Variants in CDHR5 observed in about 807,000 individuals in gnomAD.
CDHR5 encodes cadherin related family member 5, also known as cadherin-related family member 5.
In CDHR5, 82 loss-of-function variants were observed where a neutral mutation model predicts 69.5. The ratio of observed to expected loss-of-function variants is 1.18; its 90% CI spans 0.99 to 1.42. CDHR5 has a LOEUF of 1.42. CDHR5 is among the 40% of genes most tolerant of loss of function. The probability of loss-of-function intolerance (pLI) is 0.00; values close to 1 mark genes in which losing one functional copy is unlikely to be tolerated. For synonymous variants in CDHR5, 601 were observed against 510.2 expected, an observed-to-expected ratio of 1.18 and a Z score of -2.40; for missense variants, 1,293 against 1,168.9, an observed-to-expected ratio of 1.11 and a Z score of -1.55.
In CDHR5 at chr11:619,051, T is replaced by C. The variant is rs1478013873; in HGVS notation, c.1508A>G (p.His503Arg). 6.2e-7 allele frequency: 1 copy of C among 1,612,972 alleles called. No individual in the cohort carries two copies. The highest frequency in any genetic ancestry group is 1.3e-5 in the African/African-American group (1 of 74,864). The change falls in exon 13 of 15, where the codon CAT (histidine) becomes CGT (arginine). Residue 503 changes from histidine to arginine, a missense_variant. Transcript: ENST00000397542. ...CCTCAGAGTTGTGCCAGAGGGTGGATGAGGGCCTGTGCCTCCCCCAGAGCT... is the reference window on the plus strand; with the variant it reads ...CCTCAGAGTTGTGCCAGAGGGTGGACGAGGGCCTGTGCCTCCCCCAGAGCT... Reference protein sequence around the residue: ...TTSSGGGTGPHPPSGTTLRPP... With the variant: ...TTSSGGGTGPRPPSGTTLRPP...
At position 619,000 on chromosome 11, in the gene CDHR5, C is replaced by A. The variant is rs947482039; in HGVS notation, c.1559G>T (p.Gly520Val). The change falls in exon 13 of 15, where the codon GGG becomes GTG. Residue 520 changes from glycine (G) to valine (V), a missense_variant. Physicochemically the swap from Gly to Val is moderately radical, Grantham distance 109 (BLOSUM62 -3). Coordinates refer to ENST00000397542, the MANE Select transcript of CDHR5 (RefSeq NM_021924.5). ...LRPPTSSTPGGPPGAENSTSH... is the reference protein window; with the variant it reads ...LRPPTSSTPGVPPGAENSTSH... ...GGTGCTGTTTTCTGCACCCGGGGGCCCCCCGGGTGTGGACGAGGTTGGTGG... is the reference window on the plus strand; with the variant it reads ...GGTGCTGTTTTCTGCACCCGGGGGCACCCCGGGTGTGGACGAGGTTGGTGG... 1 of 1,613,332 alleles carries A rather than the reference C, an allele frequency of 6.2e-7. No homozygotes were observed. Among genetic ancestry groups the A allele is most frequent in the South Asian group, 1.1e-5 (1 of 91,066 alleles).
intron 7 of CDHR5, 45 bp from the exon 8 acceptor site, chr11:620,431 GAT>G: frequency 7.3e-7 from 1 of 1,365,796 alleles, no homozygotes; most frequent in Non-Finnish European, 1.0e-6. Flanking sequence ...GGCTGGGGTG[GAT>G]GGCCCCAGCC....
Position 619,564 on chromosome 11 carries a change from A to G in CDHR5, c.1203T>C (p.Tyr401=), listed in dbSNP as rs147943875. 2.5e-5 allele frequency: 41 copies of G among 1,613,682 alleles called. No homozygotes were observed. The highest frequency in any genetic ancestry group is 6.7e-5 in the Admixed American group (4 of 59,982). ...EFSDLNSAIT[Y]RITNHSHFRM... ...GGAAGTGTGAGTGGTTGGTAATTCG[A>G]TATGTGATGGCCGAGTTGAGGTCCT... is the stretch of plus-strand genomic sequence containing the variant. Residue 401 remains tyrosine (Y), a synonymous_variant, in exon 11 of 15, where the codon TAT becomes TAC. Transcript: ENST00000397542.
At chr11:618,172 A>G (rs6598008) in intron 13 of CDHR5, 61 bp from the exon 14 acceptor site, 778,218 of 1,418,616 alleles carry the variant, frequency 0.55, 217,754 homozygotes, top group East Asian at 0.73. Flanking sequence ...GGCATTTCCC[A>G]TGCCAACCTG....
At position 618,034 on chromosome 11, in the gene CDHR5, G is replaced by A. The variant is rs764801909; in HGVS notation, c.2038C>T (p.Leu680=). 13 of 1,612,384 alleles carry A rather than the reference G, an allele frequency of 8.1e-6. No individual in the cohort carries two copies. The South Asian group carries it at 1.4e-4, about 18-fold the overall frequency. Residue 680 remains leucine (L), a synonymous_variant, in exon 14 of 15, where the codon CTG becomes TTG. Transcript: ENST00000397542. ...ACGGCGAGGCCAAGGAGAGCCAGCA[G>A]CAGCAGCGCACCCAGCACCCCGCCC... The part of the protein sequence containing the change: ...ALGGVLGALL[L]LALLGLAVLV...
In CDHR5 at chr11:618,863, G is replaced by A; in HGVS notation, c.1696C>T (p.Pro566Ser). 2 of 1,611,794 alleles carry A rather than the reference G, an allele frequency of 1.2e-6. No homozygotes were observed. The highest frequency in any genetic ancestry group is 1.7e-6 in the Non-Finnish European group (2 of 1,179,390). Reference protein sequence around the residue: ...GTSTSHQPATPSGGTAQTPEP... With the variant: ...GTSTSHQPATSSGGTAQTPEP... The stretch of plus-strand genomic sequence containing the variant: ...GGGGTCTGTGCTGTGCCCCCACTGG[G>A]TGTGGCTGGTTGGTGGGAGGTGCTG... The change falls in exon 13 of 15, where the codon CCC becomes TCC. Residue 566 changes from proline to serine, a missense_variant. Coordinates refer to ENST00000397542, the MANE Select transcript of CDHR5 (RefSeq NM_021924.5).
At position 621,328 on chromosome 11, in the gene CDHR5, TG is replaced by T. The variant is rs1564898725; in HGVS notation, c.618+16del. ...GCCTCAAGTGTGTGGGACTCGGGGC[TG>T]GGGTGACCTGCTCACCCGCACCAGC... is the stretch of plus-strand genomic sequence containing the variant. On this transcript the variant is annotated intron_variant, in intron 6 of 14. Transcript: ENST00000397542. This position sits in a 1 kb window ranked among gnomAD's most constrained non-coding sequence, Gnocchi z 4.4. 1.2e-6 allele frequency: 2 copies of T among 1,612,124 alleles called. No individual in the cohort carries two copies. The highest frequency in any genetic ancestry group is 2.7e-5 in the African/African-American group (2 of 74,872).
chr11:617,633 A>C lies in CDHR5; in HGVS notation c.2256T>G (p.Pro752=), dbSNP rs1370488875. 12 of 1,579,694 alleles carry C rather than the reference A, an allele frequency of 7.6e-6. No individual in the cohort carries two copies. In the African/African-American group the frequency reaches 1.5e-4, roughly 20 times the overall value. The change falls in exon 15 of 15, where the codon CCT becomes CCG. Residue 752 remains proline (P), a synonymous_variant. Coordinates refer to ENST00000397542, the MANE Select transcript of CDHR5 (RefSeq NM_021924.5). ...PMPAEPAPPG[P]ASPGGAPEPP... is the part of the protein sequence containing the mutation. Reference sequence around the variant, plus strand: ...GCTCAGGGGCACCGCCTGGGGAGGCAGGGCCGGGGGGTGCGGGCTCTGCGG... The same window carrying C: ...GCTCAGGGGCACCGCCTGGGGAGGCCGGGCCGGGGGGTGCGGGCTCTGCGG...
Position 619,761 on chromosome 11 carries a change from C to T in CDHR5, c.1099G>A (p.Ala367Thr), listed in dbSNP as rs79732086. The T allele has an allele frequency of 1.4e-3, 2,207 of 1,611,172 alleles. 23 individuals are homozygous for T. In the African/African-American group the frequency reaches 0.022, roughly 16 times the overall value. Residue 367 changes from alanine to threonine, a missense_variant, in exon 10 of 15, where the codon GCT (alanine) becomes ACT (threonine). Coordinates refer to ENST00000397542, the MANE Select transcript of CDHR5 (RefSeq NM_021924.5). ...TCCTTGACCACAACGCCCGCTCCAGCGCCACGCGCCACGGTGCCACGATAC... is the reference window on the plus strand; with the variant it reads ...TCCTTGACCACAACGCCCGCTCCAGTGCCACGCGCCACGGTGCCACGATAC... ...RLYRGTVARG[A>T]GAGVVVKDAA...
At chr11:623,325 C>T (rs931116861) in intron 3 of CDHR5, among the ~76,000 whole-genome samples, 62 of 152,138 alleles carry the variant, frequency 4.1e-4, no homozygotes, top group Non-Finnish European at 7.4e-5. Context: ...GAGTCTCTCT[C>T]TTTCAGAGAC....
In CDHR5 at chr11:624,203, G is replaced by A. The variant is rs777230621; in HGVS notation, c.312+10C>T. 3 of 756,510 alleles carry A rather than the reference G, an allele frequency of 4.0e-6. No homozygotes were observed. The highest frequency in any genetic ancestry group is 2.5e-5 in the East Asian group (1 of 40,354). The allele number at this position is 756,510 out of a possible 1,614,324, so 46.9% of individuals were successfully genotyped here. A position where few individuals can be genotyped will look rare whatever the true frequency, so the allele number is the denominator to read the frequency against. ...CCGGGTGGGGCGGGGAGAGCGGGGC[G>A]GGGACTCACCAATGTGCCTCCGCTC... On this transcript the variant is annotated intron_variant, in intron 3 of 14. Transcript: ENST00000397542. The surrounding 1 kb of genome is among the most constrained non-coding windows in gnomAD (Gnocchi z 5.3).
chr11:623,426 C>T (rs1000399627), intron 3 of CDHR5, among the ~76,000 whole-genome samples: 20 of 152,118 alleles, frequency 1.3e-4, no homozygotes, highest in African/African-American at 4.6e-4. Flanking sequence ...CTGTGCTGGC[C>T]TCAGGATTCT....
chr11:621,975 C>A lies in CDHR5; in HGVS notation c.313-71G>T. On this transcript the variant is annotated intron_variant, in intron 3 of 14. Coordinates refer to ENST00000397542, the MANE Select transcript of CDHR5 (RefSeq NM_021924.5). The surrounding 1 kb of genome is among the most constrained non-coding windows in gnomAD (Gnocchi z 4.4). ...TGAGGTGCACCCCTCGACGGCTATC[C>A]GTCCCCACCGTGAGTGAGGTGCACC... 2 of 1,220,682 alleles carry A rather than the reference C, an allele frequency of 1.6e-6. No individual in the cohort carries two copies. The highest frequency in any genetic ancestry group is 2.3e-6 in the Non-Finnish European group (2 of 853,730). The allele number at this position is 1,220,682 out of a possible 1,614,324, so 75.6% of individuals were successfully genotyped here. A position where few individuals can be genotyped will look rare whatever the true frequency, so the allele number is the denominator to read the frequency against.
chr11:620,983 A>AACCCCACCCC, intron 7 of CDHR5, 97 bp downstream of exon 7: 1 of 536,998 alleles, frequency 1.9e-6, no homozygotes, highest in Non-Finnish European at 3.2e-6. Flanking sequence ...CCACCCCCTG[A>AACCCCACCCC]CCCCGACCCC....
chr11:619,416 C>T, intron 11 of CDHR5, 26 bp from the exon 12 acceptor site: 1 of 1,608,984 alleles, frequency 6.2e-7, no homozygotes, highest in South Asian at 1.1e-5. Context: ...GCTTGTCCCT[C>T]CTAGACACAT....
Position 624,424 on chromosome 11 carries a change from A to G in CDHR5, c.261+133T>C. ...CCGAAATGGCCCAGCCTTCTAGGGCAGGCACCACCAAGCATGGGTGTCAGT... is the reference window on the plus strand; with the variant it reads ...CCGAAATGGCCCAGCCTTCTAGGGCGGGCACCACCAAGCATGGGTGTCAGT... On this transcript the variant is annotated intron_variant, in intron 2 of 14. Transcript: ENST00000397542. The surrounding 1 kb of genome is among the most constrained non-coding windows in gnomAD (Gnocchi z 5.3). The G allele has an allele frequency of 1.1e-6, 1 of 938,448 alleles. No individual in the cohort carries two copies. 58.1% of individuals were successfully genotyped at this position (938,448 alleles called of 1,614,324 possible).
chr11:617,918 C>T (rs751913571), intron 14 of CDHR5, 36 bp downstream of exon 14: 2 of 1,600,818 alleles, frequency 1.2e-6, no homozygotes, highest in East Asian at 2.2e-5. Flanking sequence ...CACTTCCTGC[C>T]TGGTCGCCTG....
chr11:618,394 C>A (rs1857114330), intron 13 of CDHR5, among the ~76,000 whole-genome samples: 1 of 152,212 alleles, frequency 6.6e-6, no homozygotes, highest in Non-Finnish European at 1.5e-5. Flanking sequence ...ATTCGCTGGA[C>A]CCCACATCTG....
chr11:622,042 C>T (rs1377649034), intron 3 of CDHR5, 138 bp from the exon 4 acceptor site: 9 of 657,322 alleles, frequency 1.4e-5, no homozygotes, highest in South Asian at 1.9e-5. Flanking sequence ...AGGTGCACCC[C>T]TCGACGGCCA....
Sources: allele counts gnomAD v4.1 joint callset (sites outside exome capture counted in the v4.1 genomes callset), GRCh38; gene constraint gnomAD v4.1.1; non-coding constraint Gnocchi (gnomAD v3.1); transcripts MANE v1.5; gene names NCBI Gene and HGNC (gene_info 2026-07-23, HGNC 2026-07-21).